Variants in L2HGDH observed in about 807,000 individuals in gnomAD.
L2HGDH encodes L-2-hydroxyglutarate dehydrogenase, mitochondrial.
Under a neutral mutation model 51.5 loss-of-function variants are expected in L2HGDH, and 34 were observed. That is an observed-to-expected ratio of 0.66 (90% CI 0.50 to 0.88). The LOEUF (loss-of-function observed/expected upper bound fraction) is 0.88. Ranked by LOEUF, L2HGDH falls within the 40% of genes least tolerant of loss-of-function variation. The pLI, the probability that L2HGDH is intolerant of heterozygous loss-of-function variation, is 0.00. For synonymous variants in L2HGDH, 198 were observed against 197.9 expected (o/e 1.00, Z -0.01); for missense variants, 558 against 571.9 (o/e 0.98, Z 0.25).
intron 9 of L2HGDH, among the ~76,000 whole-genome samples, chr14:50,259,942 G>A (rs757631702): frequency 9.9e-5 from 15 of 151,284 alleles, no homozygotes; most frequent in South Asian, 8.4e-4. Flanking sequence ...AATTAGAGGG[G>A]GTGGGGAGGG....
intron 9 of L2HGDH, among the ~76,000 whole-genome samples, chr14:50,252,966 A>G (rs1888450539): frequency 6.6e-6 from 1 of 152,166 alleles, no homozygotes; most frequent in African/African-American, 2.4e-5. Context: ...ATTTCATCCA[A>G]TGGCTGCAGA....
chr14:50,293,561 A>G (rs1164496373), intron 4 of L2HGDH, among the ~76,000 whole-genome samples: 1 of 152,180 alleles, frequency 6.6e-6, no homozygotes, highest in Admixed American at 6.6e-5. Flanking sequence ...TGATAACATT[A>G]AGAATTTCTG....
intron 9 of L2HGDH, among the ~76,000 whole-genome samples, chr14:50,264,565 G>A (rs183625549): frequency 1.1e-4 from 17 of 152,292 alleles, no homozygotes; most frequent in Admixed American, 3.9e-4. Flanking sequence ...AGGTCTAGGA[G>A]TGTGTTTCTA....
intron 1 of L2HGDH, among the ~76,000 whole-genome samples, chr14:50,308,299 A>T (rs1041940648): frequency 1.3e-5 from 2 of 151,850 alleles, no homozygotes; most frequent in Admixed American, 6.6e-5. Flanking sequence ...CTGAGGCAGG[A>T]GAATTGCTTG....
Position 50,242,658 on chromosome 14 carries a change from C to T in L2HGDH, c.*4400G>A. ...ACTATTTGAAAACATCTCGAGGCAG[C>T]TTTTGCTTTCCCAACCATTTCACCC... On this transcript the variant is annotated 3_prime_UTR_variant, in exon 10 of 10. Transcript: ENST00000267436. The T allele has an allele frequency of 1.0e-6, 1 of 985,434 alleles. No individual in the cohort carries two copies. Among genetic ancestry groups the T allele is most frequent in the Non-Finnish European group, 1.2e-6 (1 of 829,942 alleles). The allele number at this position is 985,434 out of a possible 1,614,324, so 61.0% of individuals were successfully genotyped here.
In L2HGDH at chr14:50,244,916, C is replaced by T; in HGVS notation, c.*2142G>A. The T allele has an allele frequency of 1.0e-6, 1 of 985,448 alleles. No homozygotes were observed. Among genetic ancestry groups the T allele is most frequent in the South Asian group, 4.7e-5 (1 of 21,286 alleles). The allele number at this position is 985,448 out of a possible 1,614,324, so 61.0% of individuals were successfully genotyped here. A position where few individuals can be genotyped will look rare whatever the true frequency, so the allele number is the denominator to read the frequency against. ...TCAGAGAGAATGGATGAAAATGCCT[C>T]ACCTAAATGTGGTTCAGTACTCAAA... On this transcript the variant is annotated 3_prime_UTR_variant, in exon 10 of 10. Coordinates refer to ENST00000267436, the MANE Select transcript of L2HGDH (RefSeq NM_024884.3).
intron 9 of L2HGDH, among the ~76,000 whole-genome samples, chr14:50,263,726 G>C (rs1889176487): frequency 6.6e-6 from 1 of 151,904 alleles, no homozygotes; most frequent in South Asian, 2.1e-4. Context: ...AAATAGGTTT[G>C]GGTGGTATTA....
intron 8 of L2HGDH, among the ~76,000 whole-genome samples, 189 bp downstream of exon 8, chr14:50,267,564 T>A (rs12431540): frequency 2.0e-5 from 3 of 150,870 alleles, no homozygotes; most frequent in African/African-American, 7.3e-5. Flanking sequence ...GCATTTTTTT[T>A]TTTGTTTGTT....
intron 5 of L2HGDH, among the ~76,000 whole-genome samples, chr14:50,282,083 G>A (rs946625514): frequency 3.3e-5 from 5 of 151,950 alleles, no homozygotes; most frequent in African/African-American, 9.7e-5. Context: ...CTCATGATCC[G>A]CCCGCCTCGG....
In L2HGDH at chr14:50,296,295, C is replaced by G. The variant is rs1020632900; in HGVS notation, c.409-2049G>C. Reference sequence around the variant, plus strand: ...GGCTGAGGTGGGAGGATCACTTGAGCTCAGGAGGTCAAGGCTACAGAGAGC... The same window carrying G: ...GGCTGAGGTGGGAGGATCACTTGAGGTCAGGAGGTCAAGGCTACAGAGAGC... On this transcript the variant is annotated intron_variant, in intron 3 of 9. Coordinates refer to ENST00000267436, the MANE Select transcript of L2HGDH (RefSeq NM_024884.3). Among the ~76,000 whole-genome samples the G allele has an allele frequency of 8.4e-5, 12 of 142,524 alleles. No homozygotes were observed. In the Admixed American group the frequency reaches 8.7e-4, roughly 10 times the overall value. The allele number at this position is 142,524 out of a possible 152,430, so 93.5% of individuals were successfully genotyped here.
chr14:50,268,897 G>T (rs932356293), intron 7 of L2HGDH, among the ~76,000 whole-genome samples: 1 of 152,140 alleles, frequency 6.6e-6, no homozygotes, highest in Non-Finnish European at 1.5e-5. Flanking sequence ...AGAGAAGGTA[G>T]AATTCAGTTC....
chr14:50,265,455 A>G lies in L2HGDH; in HGVS notation c.1099T>C (p.Tyr367His), dbSNP rs1222573122. The change falls in exon 9 of 10, where the codon TAT (tyrosine) becomes CAT (histidine). Residue 367 changes from tyrosine (Y) to histidine (H), a missense_variant. Transcript: ENST00000267436. The part of the protein sequence containing the change: ...LIKLASQNFS[Y>H]GVTEMYKACF... ...GCTTTATACATTTCAGTAACTCCATAGGAAAAATTCTGGGATGCCAGTTTA... is the reference window on the plus strand; with the variant it reads ...GCTTTATACATTTCAGTAACTCCATGGGAAAAATTCTGGGATGCCAGTTTA... 6.2e-7 allele frequency: 1 copy of G among 1,613,452 alleles called. No individual in the cohort carries two copies.
intron 1 of L2HGDH, among the ~76,000 whole-genome samples, chr14:50,308,180 C>T (rs1373097432): frequency 6.6e-6 from 1 of 152,184 alleles, no homozygotes; most frequent in African/African-American, 2.4e-5. Context: ...CACCTGACGT[C>T]AGGAGTTTGA....
chr14:50,285,432 T>C (rs1004780284), intron 4 of L2HGDH, among the ~76,000 whole-genome samples: 2 of 152,216 alleles, frequency 1.3e-5, no homozygotes, highest in Admixed American at 6.5e-5. Flanking sequence ...TTGCCAAGCA[T>C]AGGAAATCAT....
intron 1 of L2HGDH, among the ~76,000 whole-genome samples, chr14:50,303,373 G>T (rs1175399680): frequency 2.0e-5 from 3 of 151,860 alleles, no homozygotes; most frequent in Non-Finnish European, 4.4e-5. Context: ...AGTGAGTGGA[G>T]ATCACGCCAC....
intron 3 of L2HGDH, among the ~76,000 whole-genome samples, chr14:50,301,367 T>C (rs566691525): frequency 1.3e-5 from 2 of 152,292 alleles, no homozygotes; most frequent in South Asian, 4.1e-4. Flanking sequence ...AATAAACTTA[T>C]ACATGAATGT....
chr14:50,252,389 A>C (rs992658181), intron 9 of L2HGDH, among the ~76,000 whole-genome samples: 6 of 152,070 alleles, frequency 3.9e-5, no homozygotes, highest in African/African-American at 7.2e-5. Context: ...GCCACCAGAA[A>C]ACAAATAACA....
chr14:50,243,178 A>T lies in L2HGDH; in HGVS notation c.*3880T>A. 3.0e-6 allele frequency: 3 copies of T among 985,386 alleles called. No homozygotes were observed. The highest frequency in any genetic ancestry group is 3.6e-6 in the Non-Finnish European group (3 of 829,874). The allele number at this position is 985,386 out of a possible 1,614,324, so 61.0% of individuals were successfully genotyped here. Reference sequence around the variant, plus strand: ...AGAGGATCAAGGGAAGGACTTTGATATACACATATATGTATGGATAAAAGA... The same window carrying T: ...AGAGGATCAAGGGAAGGACTTTGATTTACACATATATGTATGGATAAAAGA... On this transcript the variant is annotated 3_prime_UTR_variant, in exon 10 of 10. Coordinates refer to ENST00000267436, the MANE Select transcript of L2HGDH (RefSeq NM_024884.3).
intron 6 of L2HGDH, among the ~76,000 whole-genome samples, chr14:50,273,202 G>C (rs1889796024): frequency 6.6e-6 from 1 of 152,208 alleles, no homozygotes; most frequent in Non-Finnish European, 1.5e-5. Flanking sequence ...AGATATTCAA[G>C]CTCCATATGA....
Sources: allele counts gnomAD v4.1 joint callset (sites outside exome capture counted in the v4.1 genomes callset), GRCh38; gene constraint gnomAD v4.1.1; transcripts MANE v1.5; gene names NCBI Gene and HGNC (gene_info 2026-07-23, HGNC 2026-07-21).